RAB38: variants seen among roughly 807,000 people sequenced by gnomAD.
RAB38 encodes ras-related protein Rab-38.
Under a neutral mutation model 18.4 loss-of-function variants are expected in RAB38, and 15 were observed. The observed-to-expected ratio is 0.82, with a 90% CI of 0.55 to 1.26. RAB38 has a LOEUF of 1.26. Among genes scored for constraint, RAB38 ranks in the 50% most tolerant of loss-of-function variants. The pLI is 0.00. For missense variants in RAB38, 294 were observed against 267.4 expected (o/e 1.10, Z -0.69); for synonymous variants, 101 against 104.4 (o/e 0.97, Z 0.20).
At chr11:87,868,826 CCTT>C in the RAB38 span, among the ~76,000 whole-genome samples, 1 of 151,538 alleles carries the variant, frequency 6.6e-6, no homozygotes, top group Non-Finnish European at 1.5e-5. Flanking sequence ...AGTGTTGCCT[CCTT>C]CTCAGGAGAA....
the RAB38 span, among the ~76,000 whole-genome samples, chr11:87,955,638 CACA>C: frequency 5.9e-5 from 9 of 152,156 alleles, no homozygotes; most frequent in South Asian, 2.1e-4. Flanking sequence ...ATAAAATAAG[CACA>C]ACATTTAGCT....
At chr11:88,104,180 A>C in the RAB38 span, among the ~76,000 whole-genome samples, 1 of 152,104 alleles carries the variant, frequency 6.6e-6, no homozygotes, top group Non-Finnish European at 1.5e-5. Context: ...GCGCTCCCTC[A>C]GCCATAGAAG....
the RAB38 span, among the ~76,000 whole-genome samples, chr11:87,873,930 A>ATATATATATG: frequency 1.4e-5 from 2 of 140,182 alleles, 1 homozygote; most frequent in Non-Finnish European, 3.1e-5. Context: ...GTGTATATAT[A>ATATATATATG]TATATATATA....
At chr11:87,888,604 T>A in the RAB38 span, among the ~76,000 whole-genome samples, 2 of 151,924 alleles carry the variant, frequency 1.3e-5, no homozygotes, top group East Asian at 3.9e-4. Flanking sequence ...CCTTTCCTTC[T>A]TCTTCAGCTG....
chr11:88,003,692 TATATAATATATTGTATATATTATATATA>T, the RAB38 span, among the ~76,000 whole-genome samples: 20 of 8,814 alleles, frequency 2.3e-3, 1 homozygote, highest in African/African-American at 0.012. Context: ...ATATATATTA[TATATAATATATTGTATATATTATATATA>T]ATATATAATA....
the RAB38 span, among the ~76,000 whole-genome samples, chr11:88,057,658 T>C: frequency 2.0e-5 from 3 of 152,070 alleles, no homozygotes; most frequent in African/African-American, 4.8e-5. Flanking sequence ...AGCTCGGAGG[T>C]CTTGTCTAGT....
the RAB38 span, among the ~76,000 whole-genome samples, chr11:87,935,399 C>A: frequency 6.6e-6 from 1 of 152,032 alleles, no homozygotes; most frequent in Non-Finnish European, 1.5e-5. Flanking sequence ...CTCTTCACCC[C>A]CATCCTTTCT....
At chr11:88,175,095 T>A in intron 1 of RAB38, 88 bp downstream of exon 1, 2 of 1,388,382 alleles carry the variant, frequency 1.4e-6, no homozygotes, top group South Asian at 2.9e-5. Flanking sequence ...GTGATTTTAA[T>A]CTCACGCTTG....
chr11:87,924,640 G>T, the RAB38 span, among the ~76,000 whole-genome samples: 1 of 152,014 alleles, frequency 6.6e-6, no homozygotes, highest in Non-Finnish European at 1.5e-5. Context: ...TGCAGGAAAG[G>T]TGGCATGTTG....
the RAB38 span, among the ~76,000 whole-genome samples, chr11:87,977,316 A>C: frequency 7.6e-6 from 1 of 130,788 alleles, no homozygotes; most frequent in Non-Finnish European, 1.5e-5. Flanking sequence ...ATAAAATATA[A>C]TTATATTATA....
At chr11:88,069,353 G>T in the RAB38 span, among the ~76,000 whole-genome samples, 4 of 152,186 alleles carry the variant, frequency 2.6e-5, no homozygotes, top group African/African-American at 9.6e-5. Context: ...CTCCCACGTG[G>T]CCCAAGCCTC....
At chr11:87,944,711 T>C in the RAB38 span, among the ~76,000 whole-genome samples, 27 of 152,278 alleles carry the variant, frequency 1.8e-4, no homozygotes, top group Admixed American at 5.2e-4. Flanking sequence ...GTGGTGGATA[T>C]TTAGAGTCTT....
the RAB38 span, among the ~76,000 whole-genome samples, chr11:88,027,510 C>T: frequency 2.6e-5 from 4 of 152,242 alleles, no homozygotes; most frequent in African/African-American, 4.8e-5. Flanking sequence ...AATTGGGTCA[C>T]TCCCACCTGA....
the RAB38 span, among the ~76,000 whole-genome samples, chr11:87,928,475 A>G: frequency 2.6e-5 from 4 of 152,074 alleles, no homozygotes; most frequent in African/African-American, 9.7e-5. Flanking sequence ...ATAACTATTA[A>G]AGATATCTTA....
At chr11:87,931,929 A>C in the RAB38 span, among the ~76,000 whole-genome samples, 4 of 150,858 alleles carry the variant, frequency 2.7e-5, no homozygotes, top group South Asian at 6.4e-4. Flanking sequence ...TATTTGGACA[A>C]TGCACAGGAG....
At chr11:88,107,830 A>G in the RAB38 span, among the ~76,000 whole-genome samples, 69 of 152,214 alleles carry the variant, frequency 4.5e-4, 1 homozygote, top group East Asian at 6.0e-3. Context: ...CTTTGTTCTC[A>G]TTGGTTTCAA....
the RAB38 span, among the ~76,000 whole-genome samples, chr11:87,975,679 T>G: frequency 6.6e-6 from 1 of 151,764 alleles, no homozygotes; most frequent in African/African-American, 2.4e-5. Context: ...TATTGAGAGA[T>G]TCCTTCATTT....
At chr11:87,917,748 G>A in the RAB38 span, among the ~76,000 whole-genome samples, 1 of 151,916 alleles carries the variant, frequency 6.6e-6, no homozygotes, top group Non-Finnish European at 1.5e-5. Flanking sequence ...AGTCAGTGAG[G>A]TTTTCTACCC....
the RAB38 span, among the ~76,000 whole-genome samples, chr11:87,833,554 C>G: frequency 6.6e-6 from 1 of 152,192 alleles, no homozygotes; most frequent in African/African-American, 2.4e-5. Flanking sequence ...TAATTAAACA[C>G]AGCACTTACT....
Sources: allele counts gnomAD v4.1 joint callset (sites outside exome capture counted in the v4.1 genomes callset), GRCh38; gene constraint gnomAD v4.1.1; transcripts MANE v1.5; gene names NCBI Gene and HGNC (gene_info 2026-07-23, HGNC 2026-07-21).